DACH2: variants seen among roughly 807,000 people sequenced by gnomAD.
DACH2 encodes dachshund homolog 2.
A neutral mutation model predicts 35.8 loss-of-function variants in DACH2; 17 were observed. The observed-to-expected ratio is 0.48, with a 90% CI of 0.33 to 0.71. The LOEUF (loss-of-function observed/expected upper bound fraction) is 0.71. Ranked by LOEUF, DACH2 falls within the 30% of genes least tolerant of loss-of-function variation. The pLI is 0.02. For synonymous variants in DACH2, 195 were observed against 177.3 expected (o/e 1.10, Z -0.79); for missense variants, 469 against 472.7 (o/e 0.99, Z 0.07).
At chrX:86,772,201 T>C (rs113215192) in intron 7 of DACH2, among the ~76,000 whole-genome samples, 3 of 111,655 alleles carry the variant, frequency 2.7e-5, no homozygotes, top group African/African-American at 9.7e-5. Context: ...TTGGCACCTT[T>C]ATAACTATTA....
intron 2 of DACH2, among the ~76,000 whole-genome samples, chrX:86,401,749 T>C (rs2036437385): frequency 9.3e-6 from 1 of 107,540 alleles, no homozygotes; most frequent in Admixed American, 9.9e-5. Flanking sequence ...AAACTTCAGA[T>C]TAATGCCCCG....
intron 3 of DACH2, among the ~76,000 whole-genome samples, chrX:86,566,403 G>A (rs2039292782): frequency 9.0e-6 from 1 of 111,393 alleles, no homozygotes; most frequent in African/African-American, 3.3e-5. Context: ...TCTTTAGAAC[G>A]AGAGTGACTT....
intron 5 of DACH2, among the ~76,000 whole-genome samples, chrX:86,713,718 T>C (rs758968109): frequency 9.0e-6 from 1 of 111,509 alleles, no homozygotes; most frequent in South Asian, 3.7e-4. Context: ...CAAACTCCTT[T>C]CCTCCTACAA....
At chrX:86,714,514 A>G (rs1206730132) in intron 5 of DACH2, 34 bp from the exon 6 acceptor site, 2 of 1,100,799 alleles carry the variant, frequency 1.8e-6, no homozygotes, top group Non-Finnish European at 2.4e-6. Flanking sequence ...GATAATCATA[A>G]TGTAACAAGT....
intron 3 of DACH2, among the ~76,000 whole-genome samples, chrX:86,594,974 T>G (rs1176310729): frequency 1.8e-5 from 2 of 111,861 alleles, no homozygotes; most frequent in Non-Finnish European, 3.8e-5. Flanking sequence ...CACATTCACC[T>G]TCAGAATTGT....
chrX:86,428,915 A>T (rs767824021), intron 2 of DACH2, among the ~76,000 whole-genome samples: 1 of 111,505 alleles, frequency 9.0e-6, no homozygotes, highest in East Asian at 2.8e-4. Flanking sequence ...GTTCAGTAAC[A>T]AAGGACTTAA....
chrX:86,718,126 T>C (rs1040722494), intron 6 of DACH2, among the ~76,000 whole-genome samples: 2 of 111,197 alleles, frequency 1.8e-5, no homozygotes, highest in Non-Finnish European at 3.8e-5. Context: ...TTACCAACAG[T>C]GCATAAGCAT....
intron 2 of DACH2, among the ~76,000 whole-genome samples, chrX:86,493,055 T>A (rs187634697): frequency 1.8e-5 from 2 of 112,001 alleles, no homozygotes; most frequent in Non-Finnish European, 3.8e-5. Context: ...GCTTAGCTAA[T>A]TTCCATTCCC....
intron 2 of DACH2, among the ~76,000 whole-genome samples, chrX:86,472,210 C>A: frequency 9.0e-6 from 1 of 111,292 alleles, no homozygotes; most frequent in Non-Finnish European, 1.9e-5. Context: ...CTGGGTTGGC[C>A]CTTTGTAATC....
chrX:86,712,716 T>C (rs2041292884), intron 5 of DACH2, among the ~76,000 whole-genome samples: 1 of 111,381 alleles, frequency 9.0e-6, no homozygotes, highest in African/African-American at 3.3e-5. Flanking sequence ...GCCTCATTGA[T>C]AAATTAATAA....
At chrX:86,771,676 A>G (rs552920667) in intron 7 of DACH2, among the ~76,000 whole-genome samples, 1 of 111,809 alleles carries the variant, frequency 8.9e-6, no homozygotes, top group South Asian at 3.7e-4. Flanking sequence ...CTTGAAACCC[A>G]AGTTTTCTCA....
chrX:86,248,017 A>T lies in DACH2; in HGVS notation c.488+98909A>T, dbSNP rs1422964618. Among the ~76,000 whole-genome samples the T allele has an allele frequency of 2.7e-5, 3 of 110,676 alleles. No individual in the cohort carries two copies. The Admixed American group carries it at 2.9e-4, about 11-fold the overall frequency. Reference sequence around the variant, plus strand: ...CCCTTCATGATAAAACTCTCAACAAACTAGGCATTAAAAAAATACCTCAAA... The same window carrying T: ...CCCTTCATGATAAAACTCTCAACAATCTAGGCATTAAAAAAATACCTCAAA... On this transcript the variant is annotated intron_variant, in intron 1 of 11. Coordinates refer to ENST00000373125, the MANE Select transcript of DACH2 (RefSeq NM_053281.3).
chrX:86,507,601 C>T (rs1446880806), intron 2 of DACH2, among the ~76,000 whole-genome samples: 4 of 110,921 alleles, frequency 3.6e-5, no homozygotes, highest in Non-Finnish European at 7.5e-5. Context: ...TCAAATACTA[C>T]GGTTAGCATG....
At chrX:86,469,221 T>C (rs1279149467) in intron 2 of DACH2, among the ~76,000 whole-genome samples, 2 of 110,750 alleles carry the variant, frequency 1.8e-5, no homozygotes, top group Admixed American at 9.7e-5. Context: ...ATTGAGGAGA[T>C]GTTGGACAAA....
chrX:86,260,809 AG>A (rs11320377), intron 1 of DACH2, among the ~76,000 whole-genome samples: 42,506 of 110,262 alleles, frequency 0.39, 7,583 homozygotes, highest in African/African-American at 0.69. Flanking sequence ...ATTGGAACTC[AG>A]ATGGGTCTGG....
intron 1 of DACH2, among the ~76,000 whole-genome samples, chrX:86,170,906 A>G (rs921459049): frequency 8.9e-6 from 1 of 112,110 alleles, no homozygotes; most frequent in African/African-American, 3.2e-5. Context: ...GGTTCAGTCC[A>G]GAAAGGCAGG....
intron 1 of DACH2, among the ~76,000 whole-genome samples, chrX:86,308,884 G>T (rs1247986075): frequency 9.0e-6 from 1 of 111,113 alleles, no homozygotes; most frequent in African/African-American, 3.3e-5. Flanking sequence ...TTTTAGCTCA[G>T]GTCTGACTTA....
intron 7 of DACH2, among the ~76,000 whole-genome samples, chrX:86,751,709 G>A (rs1342000840): frequency 4.5e-5 from 5 of 111,075 alleles, no homozygotes; most frequent in African/African-American, 1.6e-4. Flanking sequence ...AGGTAGGCAG[G>A]CAGGAAGGAA....
chrX:86,410,445 T>A, intron 2 of DACH2, among the ~76,000 whole-genome samples: 1 of 111,865 alleles, frequency 8.9e-6, no homozygotes, highest in East Asian at 2.8e-4. Context: ...AATATTTTGG[T>A]CTTGTGAATT....
Sources: gnomAD v4.1 joint callset for allele counts (sites outside exome capture counted in the v4.1 genomes callset) on GRCh38, gnomAD v4.1.1 for gene constraint, MANE v1.5 for transcripts, NCBI Gene and HGNC (gene_info 2026-07-23, HGNC 2026-07-21) for gene names.